HMCN2: variants seen among roughly 807,000 people sequenced by gnomAD.
HMCN2 encodes the protein hemicentin-2.
A neutral mutation model predicts 377.5 loss-of-function variants in HMCN2; 325 were observed. The observed-to-expected ratio is 0.86, with a 90% CI of 0.79 to 0.94. The LOEUF (loss-of-function observed/expected upper bound fraction) is 0.94. Among genes scored for constraint, HMCN2 ranks in the 40% least tolerant of loss-of-function variants. HMCN2 has a pLI of 0.00. For synonymous variants in HMCN2, 2,007 were observed against 2,046.8 expected, an observed-to-expected ratio of 0.98 and a Z score of 0.53; for missense variants, 4,543 against 4,725.3, an observed-to-expected ratio of 0.96 and a Z score of 1.13.
chr9:130,284,623 A>G lies in HMCN2; in HGVS notation c.280A>G (p.Thr94Ala). ...CACAGATATTGGCCCAGTGACCCTC[A>G]CGGCGGACCCCACAGTGTTTCAGAG... Reference protein sequence around the residue: ...HDPDIGPVTLTADPTVFQREL... With the variant: ...HDPDIGPVTLAADPTVFQREL... The change falls in exon 2 of 98, where the codon ACG becomes GCG. Residue 94 changes from threonine (T) to alanine (A), a missense_variant. Physicochemically the swap from Thr to Ala is moderately conservative, Grantham distance 58. Transcript: ENST00000683500. 2.1e-6 allele frequency: 1 copy of G among 471,134 alleles called. No individual in the cohort carries two copies. Among genetic ancestry groups the G allele is most frequent in the Non-Finnish European group, 4.4e-6 (1 of 227,050 alleles). The allele number at this position is 471,134 out of a possible 1,614,324, so 29.2% of individuals were successfully genotyped here.
chr9:130,345,225 T>C (rs1839315065), intron 25 of HMCN2, among the ~76,000 whole-genome samples: 1 of 147,794 alleles, frequency 6.8e-6, no homozygotes, highest in Non-Finnish European at 1.5e-5. Context: ...TGGTGTGTGG[T>C]GTGTAGTGTG....
chr9:130,382,374 C>A (rs1841775506), intron 55 of HMCN2, 77 bp downstream of exon 55: 18 of 546,224 alleles, frequency 3.3e-5, no homozygotes, highest in Non-Finnish European at 4.0e-5. Context: ...GGGGCCGAGG[C>A]AAAGTGCACA....
intron 19 of HMCN2, among the ~76,000 whole-genome samples, chr9:130,324,731 TCTC>T (rs1185911022): frequency 3.9e-4 from 59 of 151,926 alleles, no homozygotes; most frequent in Non-Finnish European, 5.9e-5. Context: ...TTCAAGTAAT[TCTC>T]CTGCCTCAGC....
chr9:130,355,726 G>C lies in HMCN2; in HGVS notation c.5147-20G>C. Reference sequence around the variant, plus strand: ...GTGGCTGCTCAGCTCCAAACACCCAGGAGTGTGTTCTGCCTGCAGTGCCCC... The same window carrying C: ...GTGGCTGCTCAGCTCCAAACACCCACGAGTGTGTTCTGCCTGCAGTGCCCC... On this transcript the variant is annotated intron_variant, in intron 32 of 97. Coordinates refer to ENST00000683500, the MANE Select transcript of HMCN2 (RefSeq NM_001291815.2). The C allele has an allele frequency of 7.8e-7, 1 of 1,274,486 alleles. No individual in the cohort carries two copies. The highest frequency in any genetic ancestry group is 1.0e-6 in the Non-Finnish European group (1 of 963,156). 78.9% of individuals were successfully genotyped at this position (1,274,486 alleles called of 1,614,324 possible).
intron 84 of HMCN2, among the ~76,000 whole-genome samples, chr9:130,409,741 A>C (rs188580015): frequency 4.0e-4 from 61 of 152,302 alleles, no homozygotes; most frequent in African/African-American, 1.4e-3. Context: ...GAGGCATGAA[A>C]ATGTCCTAAG....
chr9:130,396,011 A>G lies in HMCN2; in HGVS notation c.10999A>G (p.Thr3667Ala), dbSNP rs548097512. The G allele has an allele frequency of 1.6e-6, 2 of 1,287,444 alleles. No individual in the cohort carries two copies. Among genetic ancestry groups the G allele is most frequent in the African/African-American group, 1.5e-5 (1 of 65,906 alleles). The allele number at this position is 1,287,444 out of a possible 1,614,324, so 79.8% of individuals were successfully genotyped here. A position where few individuals can be genotyped will look rare whatever the true frequency, so the allele number is the denominator to read the frequency against. Residue 3667 changes from threonine to alanine, a missense_variant, in exon 72 of 98, where the codon ACA becomes GCA. By Grantham distance (58) the Thr-to-Ala change is moderately conservative. This residue lies in a region of HMCN2 where 1,073 missense variants were observed against 1,319.5 expected (regional missense o/e 0.81). Coordinates refer to ENST00000683500, the MANE Select transcript of HMCN2 (RefSeq NM_001291815.2). ...GGCTGACAGCGGCGACTACAGCTGC[A>G]CAGCCCGCAACGCCGCAGGCAGCAC... The part of the protein sequence containing the change: ...STADSGDYSC[T>A]ARNAAGSTSV...
In HMCN2 at chr9:130,422,472, C is replaced by T. The variant is rs1008179982; in HGVS notation, c.13232-105C>T. Reference sequence around the variant, plus strand: ...CTTGGACAAGTGGAGGTGAACTCTCCGAGCCTCCATTTACTCCTTCACGAA... The same window carrying T: ...CTTGGACAAGTGGAGGTGAACTCTCTGAGCCTCCATTTACTCCTTCACGAA... On this transcript the variant is annotated intron_variant, in intron 86 of 97. Transcript: ENST00000683500. The surrounding 1 kb of genome is among the most constrained non-coding windows in gnomAD (Gnocchi z 4.2). 9.2e-6 allele frequency: 8 copies of T among 872,068 alleles called. No homozygotes were observed. Among genetic ancestry groups the T allele is most frequent in the African/African-American group, 7.0e-5 (4 of 57,106 alleles). The allele number at this position is 872,068 out of a possible 1,614,324, so 54.0% of individuals were successfully genotyped here. A position where few individuals can be genotyped will look rare whatever the true frequency, so the allele number is the denominator to read the frequency against.
intron 1 of HMCN2, among the ~76,000 whole-genome samples, chr9:130,282,195 C>G (rs1835158371): frequency 6.6e-6 from 1 of 152,330 alleles, no homozygotes; most frequent in Admixed American, 6.5e-5. Context: ...TGGCCAAGGG[C>G]ACGCTCACGT....
chr9:130,291,791 C>A (rs1235258178), intron 4 of HMCN2, among the ~76,000 whole-genome samples: 1 of 152,182 alleles, frequency 6.6e-6, no homozygotes, highest in Non-Finnish European at 1.5e-5. Flanking sequence ...CTATACATAG[C>A]CCATGTTCAG....
rs150362151 is a variant in HMCN2 at position 130,287,703 on chromosome 9, C to T, written c.612+1393C>T. On this transcript the variant is annotated intron_variant, in intron 4 of 97. Transcript: ENST00000683500. Reference sequence around the variant, plus strand: ...TTTCCAGGGACTGGGCTGTGAGTCCCGATGGCCACAGCCTTCCCAGCACTT... The same window carrying T: ...TTTCCAGGGACTGGGCTGTGAGTCCTGATGGCCACAGCCTTCCCAGCACTT... Among the ~76,000 whole-genome samples, 417 of 152,260 alleles carry T rather than the reference C, an allele frequency of 2.7e-3. 10 individuals are homozygous for T. The East Asian group carries it at 0.07, about 25-fold the overall frequency.
intron 15 of HMCN2, among the ~76,000 whole-genome samples, chr9:130,318,075 C>A (rs1837662985): frequency 6.6e-6 from 1 of 152,124 alleles, no homozygotes; most frequent in African/African-American, 2.4e-5. Flanking sequence ...CAAGGAAAGG[C>A]TTTCTGGGAT....
chr9:130,355,665 TGGAA>T (rs1839986880), intron 32 of HMCN2, 77 bp from the exon 33 acceptor site: 6 of 790,334 alleles, frequency 7.6e-6, no homozygotes, highest in Non-Finnish European at 1.1e-5. Flanking sequence ...GGGCCTCGCT[TGGAA>T]GGCTCTGGGG....
rs1005438567 is a variant in HMCN2 at position 130,344,063 on chromosome 9, C to A, written c.3829+1627C>A. Among the ~76,000 whole-genome samples the A allele has an allele frequency of 9.0e-4, 137 of 152,128 alleles. 1 individual carries two copies. The highest frequency in any genetic ancestry group is 3.3e-3 in the African/African-American group (136 of 41,488). On this transcript the variant is annotated intron_variant, in intron 25 of 97. Transcript: ENST00000683500. ...AGCTGGTGCCCGGGGATCTCCTTGT[C>A]CTCCTTGTCACAGAGCTTCAGGGCC...
chr9:130,339,675 A>G (rs36183535), intron 23 of HMCN2, among the ~76,000 whole-genome samples: 46,530 of 152,120 alleles, frequency 0.31, 7,870 homozygotes, highest in African/African-American at 0.46. Context: ...GCTCAGAACA[A>G]TGGAAGCTGT....
chr9:130,412,951 G>T (rs1445768542), intron 85 of HMCN2, among the ~76,000 whole-genome samples: 1 of 152,154 alleles, frequency 6.6e-6, no homozygotes, highest in African/African-American at 2.4e-5. Flanking sequence ...TTTGTGTGGG[G>T]TAAGGGTCTA....
chr9:130,419,174 G>A, intron 86 of HMCN2, 133 bp downstream of exon 86: 2 of 927,016 alleles, frequency 2.2e-6, no homozygotes, highest in Non-Finnish European at 3.0e-6. Context: ...TTCATCACAA[G>A]CCCAGAATGA....
At chr9:130,372,639 G>A (rs1302847691) in intron 47 of HMCN2, among the ~76,000 whole-genome samples, 1 of 152,168 alleles carries the variant, frequency 6.6e-6, no homozygotes. Context: ...ACAGGGCATG[G>A]TGGTACACGC....
At chr9:130,294,616 G>A (rs539568172) in intron 4 of HMCN2, among the ~76,000 whole-genome samples, 27 of 152,258 alleles carry the variant, frequency 1.8e-4, no homozygotes, top group African/African-American at 6.3e-4. Context: ...CCCAGTAGAG[G>A]GACACACCCT....
chr9:130,412,979 C>T (rs1286390307), intron 85 of HMCN2, among the ~76,000 whole-genome samples: 8 of 152,104 alleles, frequency 5.3e-5, no homozygotes, highest in East Asian at 1.9e-4. Flanking sequence ...TTTTTGCATA[C>T]GGATAGCCAA....
Sources: gnomAD v4.1 joint callset for allele counts (sites outside exome capture counted in the v4.1 genomes callset) on GRCh38, gnomAD v4.1.1 for gene constraint, gnomAD v4.1.1 regional missense constraint, Gnocchi (gnomAD v3.1) non-coding constraint, MANE v1.5 for transcripts, NCBI Gene and HGNC (gene_info 2026-07-23, HGNC 2026-07-21) for gene names.